Variants in DMD observed in about 807,000 individuals in gnomAD.
DMD encodes the protein dystrophin, also known as mutant dystrophin.
A neutral mutation model predicts 330.1 loss-of-function variants in DMD; 63 were observed. That is an observed-to-expected ratio of 0.19 (90% CI 0.16 to 0.24). The LOEUF is 0.24. Among genes scored for constraint, DMD ranks in the 10% least tolerant of loss-of-function variants. The probability of loss-of-function intolerance (pLI) is 1.00; values close to 1 mark genes in which losing one functional copy is unlikely to be tolerated. For synonymous variants in DMD, 1,223 were observed against 959.8 expected (o/e 1.27, Z -5.07); for missense variants, 3,344 against 2,684.1 (o/e 1.25, Z -5.43).
chrX:32,088,565 TAAG>T (rs960356936), intron 44 of DMD, among the ~76,000 whole-genome samples: 4 of 109,570 alleles, frequency 3.7e-5, no homozygotes, highest in Non-Finnish European at 7.6e-5. Context: ...TGGGCTTTCC[TAAG>T]TAGTTTCGTA....
At chrX:31,917,684 A>G (rs2094627435) in intron 47 of DMD, among the ~76,000 whole-genome samples, 1 of 112,636 alleles carries the variant, frequency 8.9e-6, no homozygotes, top group African/African-American at 3.2e-5. Context: ...ATTGAATACT[A>G]TATGAATTTT....
At chrX:32,386,588 A>G in intron 32 of DMD, 123 bp from the exon 33 acceptor site, 1 of 598,928 alleles carries the variant, frequency 1.7e-6, no homozygotes, top group East Asian at 3.6e-5. Flanking sequence ...TTAATAGAGT[A>G]GCATTTTGCA....
intron 42 of DMD, among the ~76,000 whole-genome samples, chrX:32,300,017 A>G (rs1251449240): frequency 3.6e-5 from 4 of 111,178 alleles, no homozygotes; most frequent in Non-Finnish European, 7.6e-5. Context: ...ACTTGTTTGT[A>G]TAACTATAAT....
At chrX:32,644,927 C>A in intron 10 of DMD, 37 bp downstream of exon 10, 1 of 1,187,785 alleles carries the variant, frequency 8.4e-7, no homozygotes, top group East Asian at 3.0e-5. Context: ...TATAACAAGT[C>A]ATATGTTTTG....
At chrX:32,839,722 G>A (rs1471565220) in intron 4 of DMD, among the ~76,000 whole-genome samples, 1 of 80,101 alleles carries the variant, frequency 1.2e-5, no homozygotes, top group Non-Finnish European at 2.3e-5. Context: ...AGAATTATAA[G>A]ATAATGCATT....
At chrX:32,191,327 C>A (rs1003456258) in intron 44 of DMD, among the ~76,000 whole-genome samples, 8 of 112,009 alleles carry the variant, frequency 7.1e-5, no homozygotes, top group Admixed American at 1.9e-4. Flanking sequence ...TTCCCTAGAT[C>A]TTTCATTACC....
intron 57 of DMD, among the ~76,000 whole-genome samples, chrX:31,494,285 G>A (rs1280613353): frequency 9.0e-6 from 1 of 111,123 alleles, no homozygotes; most frequent in African/African-American, 3.3e-5. Context: ...TTTAGTTAGA[G>A]TCTCGGAATA....
intron 7 of DMD, among the ~76,000 whole-genome samples, chrX:32,787,493 C>T (rs187190156): frequency 4.3e-4 from 47 of 110,133 alleles, no homozygotes; most frequent in African/African-American, 1.2e-3. Flanking sequence ...CCCTTTTCCA[C>T]GGGGGATATG....
chrX:32,899,631 G>A (rs1337374622), intron 2 of DMD, among the ~76,000 whole-genome samples: 21 of 99,860 alleles, frequency 2.1e-4, no homozygotes, highest in Non-Finnish European at 4.0e-4. Flanking sequence ...CCGAGATCGC[G>A]TCACTGCACT....
chrX:32,916,383 A>G (rs1382998166), intron 2 of DMD, among the ~76,000 whole-genome samples: 1 of 111,970 alleles, frequency 8.9e-6, no homozygotes, highest in Non-Finnish European at 1.9e-5. Flanking sequence ...AAAATATAAT[A>G]TAAAATTTCA....
chrX:33,132,661 C>T (rs1459804784), intron 1 of DMD, among the ~76,000 whole-genome samples: 2 of 112,554 alleles, frequency 1.8e-5, no homozygotes, highest in African/African-American at 3.2e-5. Flanking sequence ...CTTTTAGCAT[C>T]ACCAGGCTTT....
At chrX:32,174,132 A>G (rs1414017823) in intron 44 of DMD, among the ~76,000 whole-genome samples, 1 of 112,079 alleles carries the variant, frequency 8.9e-6, no homozygotes, top group Non-Finnish European at 1.9e-5. Context: ...CCACATTATT[A>G]TAATTCCCCT....
chrX:32,777,998 A>C (rs1042969597), intron 7 of DMD, among the ~76,000 whole-genome samples: 1 of 112,031 alleles, frequency 8.9e-6, no homozygotes, highest in Non-Finnish European at 1.9e-5. Flanking sequence ...AATTCTAAAA[A>C]ACTGATATAT....
chrX:32,611,656 T>C (rs1029859976), intron 12 of DMD, among the ~76,000 whole-genome samples: 3 of 111,513 alleles, frequency 2.7e-5, no homozygotes, highest in Admixed American at 1.9e-4. Context: ...ACTTCCTTCA[T>C]AGCTGCCCTA....
intron 7 of DMD, among the ~76,000 whole-genome samples, chrX:32,799,661 G>A (rs751290896): frequency 9.4e-6 from 1 of 105,955 alleles, no homozygotes; most frequent in South Asian, 4.3e-4. Flanking sequence ...CAATGTATAT[G>A]AAACCCACGA....
At chrX:32,279,197 C>G (rs1365938497) in intron 43 of DMD, among the ~76,000 whole-genome samples, 1 of 111,550 alleles carries the variant, frequency 9.0e-6, no homozygotes, top group Non-Finnish European at 1.9e-5. Flanking sequence ...AAGGGGACTC[C>G]TGTACACTGT....
At chrX:31,523,934 C>A (rs1310895882) in intron 55 of DMD, among the ~76,000 whole-genome samples, 4 of 111,937 alleles carry the variant, frequency 3.6e-5, no homozygotes. Context: ...CTTTCCATAG[C>A]CCAGCGGTAT....
rs185596228 is a variant in DMD at position 32,935,236 on chromosome X, C to T, written c.93+84903G>A. Among the ~76,000 whole-genome samples, 38 of 112,813 alleles carry T rather than the reference C, an allele frequency of 3.4e-4. No homozygotes were observed. In the Admixed American group the frequency reaches 3.4e-3, roughly 10 times the overall value. ...CTCATGATCCGCCCATCTCGGCCTCCCAAAGTGCTGGGATTACAGGCGTGA... is the reference window on the plus strand; with the variant it reads ...CTCATGATCCGCCCATCTCGGCCTCTCAAAGTGCTGGGATTACAGGCGTGA... On this transcript the variant is annotated intron_variant, in intron 2 of 78. Transcript: ENST00000357033.
chrX:33,088,656 G>T (rs1315160967), intron 1 of DMD, among the ~76,000 whole-genome samples: 1 of 111,088 alleles, frequency 9.0e-6, no homozygotes. Context: ...CTGCACTCCA[G>T]CCTGGGCGAC....
Sources: allele counts gnomAD v4.1 joint callset (sites outside exome capture counted in the v4.1 genomes callset), GRCh38; gene constraint gnomAD v4.1.1; transcripts MANE v1.5; gene names NCBI Gene and HGNC (gene_info 2026-07-23, HGNC 2026-07-21).